COPB2: variants seen among roughly 807,000 people sequenced by gnomAD.
COPB2 encodes coat protein complex I subunit beta 2, also known as coatomer subunit beta'.
COPB2 carries 16 observed loss-of-function variants against 120.8 expected under a neutral mutation model. The ratio of observed to expected loss-of-function variants is 0.13; its 90% CI spans 0.09 to 0.20. The LOEUF (loss-of-function observed/expected upper bound fraction) is 0.20, where lower values mean the gene tolerates loss of function less well. Among genes scored for constraint, COPB2 ranks in the 10% least tolerant of loss-of-function variants. The pLI, the probability that COPB2 is intolerant of heterozygous loss-of-function variation, is 1.00. For missense variants in COPB2, 794 were observed against 1,076.5 expected (o/e 0.74, Z 3.67); for synonymous variants, 332 against 366.3 (o/e 0.91, Z 1.07).
At chr3:139,376,031 C>T (rs1941707722) in intron 5 of COPB2, among the ~76,000 whole-genome samples, 1 of 152,248 alleles carries the variant, frequency 6.6e-6, no homozygotes, top group South Asian at 2.1e-4. Flanking sequence ...GAAGTTATCA[C>T]TTGAGCCCAA....
At chr3:139,375,986 C>A (rs1941706515) in intron 5 of COPB2, among the ~76,000 whole-genome samples, 1 of 152,158 alleles carries the variant, frequency 6.6e-6, no homozygotes, top group South Asian at 2.1e-4. Flanking sequence ...TGGTGGCTCA[C>A]ACCTGTAATC....
At chr3:139,384,122 G>A (rs1057238300) in intron 1 of COPB2, among the ~76,000 whole-genome samples, 3 of 152,098 alleles carry the variant, frequency 2.0e-5, no homozygotes, top group East Asian at 1.9e-4. Flanking sequence ...TTTCTTAAAG[G>A]CTACTTGCAA....
intron 5 of COPB2, among the ~76,000 whole-genome samples, chr3:139,376,664 G>A (rs1941717385): frequency 6.6e-6 from 1 of 152,294 alleles, no homozygotes; most frequent in South Asian, 2.1e-4. Flanking sequence ...ACTACTAACA[G>A]TGTTTTATAT....
chr3:139,374,290 AATGATGACGATGATG>A (rs1184062054), intron 7 of COPB2, 184 bp downstream of exon 7: 96 of 529,788 alleles, frequency 1.8e-4, no homozygotes, highest in Admixed American at 1.6e-3. Context: ...AATACATGAG[AATGATGACGATGATG>A]ATGATGATGA....
intron 2 of COPB2, chr3:139,381,054 ATACT>A (rs1450907680): frequency 6.6e-6 from 1 of 152,236 alleles, no homozygotes; most frequent in East Asian, 1.9e-4. Flanking sequence ...CTAATGACTA[ATACT>A]TATATGGTAC....
intron 1 of COPB2, among the ~76,000 whole-genome samples, chr3:139,389,132 T>C (rs553526453): frequency 7.9e-5 from 12 of 152,350 alleles, no homozygotes; most frequent in African/African-American, 2.6e-4. Flanking sequence ...TTATAGTTTG[T>C]AGCCAGCACA....
chr3:139,365,124 A>T (rs1055900695), intron 15 of COPB2, among the ~76,000 whole-genome samples: 1 of 152,206 alleles, frequency 6.6e-6, no homozygotes, highest in African/African-American at 2.4e-5. Flanking sequence ...AGAACGATTC[A>T]TGAAAATCCT....
intron 10 of COPB2, among the ~76,000 whole-genome samples, chr3:139,370,799 T>G (rs946903061): frequency 2.0e-5 from 3 of 152,240 alleles, no homozygotes; most frequent in Non-Finnish European, 4.4e-5. Context: ...AGAGGTGTGC[T>G]GAGAGAAGGC....
chr3:139,358,642 C>A, intron 20 of COPB2, 102 bp downstream of exon 20: 1 of 819,440 alleles, frequency 1.2e-6, no homozygotes, highest in Non-Finnish European at 2.1e-6. Context: ...GATCGCGCCA[C>A]TGCACTCCAG....
chr3:139,375,196 G>T (rs1941692135), intron 6 of COPB2, among the ~76,000 whole-genome samples: 1 of 152,190 alleles, frequency 6.6e-6, no homozygotes, highest in African/African-American at 2.4e-5. Context: ...TATCAATGAA[G>T]ATTATGGAGG....
intron 1 of COPB2, chr3:139,388,425 T>C (rs1329481015): frequency 4.0e-5 from 6 of 150,968 alleles, no homozygotes; most frequent in African/African-American, 1.5e-4. Flanking sequence ...TGTCTGTGAA[T>C]GAATGCACTG....
chr3:139,366,284 A>C (rs1197675342), intron 15 of COPB2, among the ~76,000 whole-genome samples: 1 of 152,190 alleles, frequency 6.6e-6, no homozygotes, highest in Non-Finnish European at 1.5e-5. Context: ...TAAAGCTAAA[A>C]ATGCAGTGTA....
In COPB2 at chr3:139,359,184, A is replaced by G. The variant is rs1172297252; in HGVS notation, c.2304-6T>C. ...CTCTCCAGAGTTTCACTACCCTATT[A>G]TAGACATCATGGAACCAAAGAGAGA... On this transcript the variant is annotated splice_region_variant and splice_polypyrimidine_tract_variant and intron_variant, in intron 18 of 21. Coordinates refer to ENST00000333188, the MANE Select transcript of COPB2 (RefSeq NM_004766.3). 1 of 1,612,876 alleles carries G rather than the reference A, an allele frequency of 6.2e-7. No individual in the cohort carries two copies. Among genetic ancestry groups the G allele is most frequent in the Non-Finnish European group, 8.5e-7 (1 of 1,179,492 alleles).
chr3:139,379,749 C>T, intron 2 of COPB2: 1 of 328,084 alleles, frequency 3.0e-6, no homozygotes, highest in Non-Finnish European at 5.6e-6. Flanking sequence ...TCCAGCCTCA[C>T]CTTTGGCTAC....
intron 15 of COPB2, among the ~76,000 whole-genome samples, chr3:139,364,096 C>T (rs1941473578): frequency 6.6e-6 from 1 of 151,856 alleles, no homozygotes; most frequent in African/African-American, 2.4e-5. Flanking sequence ...GGAGAGGAAA[C>T]AGTAACAAAA....
intron 17 of COPB2, 80 bp downstream of exon 17, chr3:139,361,001 C>T: frequency 1.3e-6 from 2 of 1,489,040 alleles, no homozygotes; most frequent in Non-Finnish European, 1.9e-6. Context: ...CATCAGTTCT[C>T]TCCAGGGTTC....
chr3:139,375,410 A>G lies in COPB2; in HGVS notation c.651+58T>C. ...CAACAACCCAAGTCTTAACTGTCCT[A>G]TAAGAAATAGTAAGAAACATATCTA... On this transcript the variant is annotated intron_variant, in intron 6 of 21. Transcript: ENST00000333188. 5 of 1,556,736 alleles carry G rather than the reference A, an allele frequency of 3.2e-6. No individual in the cohort carries two copies. In the South Asian group the frequency reaches 3.7e-5, roughly 11 times the overall value.
chr3:139,371,809 C>G lies in COPB2; in HGVS notation c.1119G>C (p.Gly373=). 6.2e-7 allele frequency: 1 copy of G among 1,613,878 alleles called. No homozygotes were observed. Among genetic ancestry groups the G allele is most frequent in the Non-Finnish European group, 8.5e-7 (1 of 1,179,878 alleles). ...NGRFVVVCGD[G]EYIIYTAMAL... ...CCATTGCTGTGTAGATGATATACTC[C>G]CCATCACCACACACCACCACAAACC... The change falls in exon 10 of 22, where the codon GGG becomes GGC. Residue 373 remains glycine (G), a synonymous_variant. Transcript: ENST00000333188.
Position 139,389,533 on chromosome 3 carries a change from G to C in COPB2, c.3+15C>G, listed in dbSNP as rs190280793. On this transcript the variant is annotated intron_variant, in intron 1 of 21. Transcript: ENST00000333188. Reference sequence around the variant, plus strand: ...CCTATGGGACCCCGCTCCCTTCTACGGGATCTGGACCTACCATGGCTGCGT... The same window carrying C: ...CCTATGGGACCCCGCTCCCTTCTACCGGATCTGGACCTACCATGGCTGCGT... 3,519 of 1,558,740 alleles carry C rather than the reference G, an allele frequency of 2.3e-3. 71 individuals are homozygous for C. In the African/African-American group the frequency reaches 0.038, roughly 17 times the overall value.
Sources: gnomAD v4.1 joint callset for allele counts (sites outside exome capture counted in the v4.1 genomes callset) on GRCh38, gnomAD v4.1.1 for gene constraint, MANE v1.5 for transcripts, NCBI Gene and HGNC (gene_info 2026-07-23, HGNC 2026-07-21) for gene names.